LRBA: variants seen among roughly 807,000 people sequenced by gnomAD.
LRBA encodes the protein lipopolysaccharide-responsive and beige-like anchor protein.
In LRBA, 176 loss-of-function variants were observed where a neutral mutation model predicts 330.0. The ratio of observed to expected loss-of-function variants is 0.53; its 90% CI spans 0.47 to 0.60. The LOEUF (loss-of-function observed/expected upper bound fraction) is 0.60, where lower values mean the gene tolerates loss of function less well. LRBA is among the 20% of genes least tolerant of loss of function. LRBA has a pLI of 0.00. For synonymous variants in LRBA, 1,230 were observed against 1,193.0 expected (o/e 1.03, Z -0.64); for missense variants, 3,259 against 3,444.8 (o/e 0.95, Z 1.35).
intron 2 of LRBA, among the ~76,000 whole-genome samples, chr4:150,971,840 G>A (rs1479147825): frequency 3.3e-5 from 5 of 152,110 alleles, no homozygotes; most frequent in Admixed American, 2.0e-4. Flanking sequence ...TGAAGCTTGT[G>A]TTAAAGAAAG....
chr4:150,999,572 T>A (rs1048193174), intron 2 of LRBA, among the ~76,000 whole-genome samples: 1 of 152,004 alleles, frequency 6.6e-6, no homozygotes, highest in Non-Finnish European at 1.5e-5. Context: ...CACTACTGAT[T>A]ATTTTTAAGT....
At chr4:150,677,055 C>T (rs1782620783) in intron 37 of LRBA, among the ~76,000 whole-genome samples, 1 of 151,988 alleles carries the variant, frequency 6.6e-6, no homozygotes, top group Admixed American at 6.6e-5. Flanking sequence ...AAATTTATTA[C>T]TGCTTTGGTT....
At chr4:150,659,110 C>T (rs1026798440) in intron 37 of LRBA, among the ~76,000 whole-genome samples, 7 of 137,008 alleles carry the variant, frequency 5.1e-5, no homozygotes, top group Non-Finnish European at 9.6e-5. Context: ...CCCAAAGTGC[C>T]GAGATTGCAG....
intron 37 of LRBA, among the ~76,000 whole-genome samples, chr4:150,613,224 A>T (rs1006892806): frequency 1.3e-5 from 2 of 152,224 alleles, no homozygotes; most frequent in African/African-American, 4.8e-5. Context: ...GGTGATAGAA[A>T]GTCATTATTC....
chr4:150,908,303 G>C (rs764116883), intron 11 of LRBA, 31 bp downstream of exon 11: 1 of 1,596,094 alleles, frequency 6.3e-7, no homozygotes, highest in East Asian at 2.2e-5. Context: ...AACCCTCACA[G>C]CCAATTAAAG....
intron 41 of LRBA, among the ~76,000 whole-genome samples, chr4:150,489,144 A>AATATATCAGAATATATAATATATT (rs1561249524): frequency 3.6e-5 from 4 of 110,474 alleles, no homozygotes; most frequent in African/African-American, 1.4e-4. Flanking sequence ...TATAATATAT[A>AATATATCAGAATATATAATATATT]ATATATCAGA....
At chr4:150,391,334 T>C (rs765641867) in intron 47 of LRBA, among the ~76,000 whole-genome samples, 1 of 152,204 alleles carries the variant, frequency 6.6e-6, no homozygotes, top group Non-Finnish European at 1.5e-5. Flanking sequence ...GAAGAAACTT[T>C]CCATGTCCAT....
intron 34 of LRBA, among the ~76,000 whole-genome samples, chr4:150,787,193 G>A (rs1016350785): frequency 1.4e-4 from 21 of 151,328 alleles, no homozygotes; most frequent in African/African-American, 3.2e-4. Flanking sequence ...GCACTCCAGC[G>A]TGGGTGACAC....
intron 40 of LRBA, among the ~76,000 whole-genome samples, chr4:150,536,191 T>C (rs1764638020): frequency 6.6e-6 from 1 of 152,072 alleles, no homozygotes; most frequent in African/African-American, 2.4e-5. Context: ...AACAACCAGA[T>C]ACAATGAGGA....
chr4:150,600,109 A>G (rs1773967705), intron 37 of LRBA, among the ~76,000 whole-genome samples: 1 of 152,110 alleles, frequency 6.6e-6, no homozygotes, highest in Non-Finnish European at 1.5e-5. Context: ...AAAATATTTT[A>G]TAAGGAAAAT....
At chr4:150,978,760 T>C (rs1463024852) in intron 2 of LRBA, among the ~76,000 whole-genome samples, 2 of 151,874 alleles carry the variant, frequency 1.3e-5, no homozygotes, top group African/African-American at 4.8e-5. Context: ...TGCATCAGAG[T>C]CTCTTAACAG....
chr4:150,835,910 C>T (rs1400867733), intron 28 of LRBA, among the ~76,000 whole-genome samples: 3 of 152,110 alleles, frequency 2.0e-5, no homozygotes, highest in Non-Finnish European at 4.4e-5. Flanking sequence ...CCAGTTTTGC[C>T]CATTCAGTAT....
intron 42 of LRBA, among the ~76,000 whole-genome samples, chr4:150,478,836 A>T (rs1360270755): frequency 6.6e-6 from 1 of 152,184 alleles, no homozygotes; most frequent in Non-Finnish European, 1.5e-5. Context: ...TCACTACTAC[A>T]ACACTCTAAT....
rs552671384 is a variant in LRBA at position 150,613,461 on chromosome 4, G to A, written c.5922-14330C>T. Among the ~76,000 whole-genome samples, 3 of 152,292 alleles carry A rather than the reference G, an allele frequency of 2.0e-5. No homozygotes were observed. The South Asian group carries it at 6.2e-4, about 32-fold the overall frequency. On this transcript the variant is annotated intron_variant, in intron 37 of 56. Transcript: ENST00000651943. ...GAACAGCATTAGCAAAGCCAAACAAGTAAGAAACAATTGGGTATAAGCTAA... is the reference window on the plus strand; with the variant it reads ...GAACAGCATTAGCAAAGCCAAACAAATAAGAAACAATTGGGTATAAGCTAA...
chr4:150,970,552 TGTGTACACACACACACACAC>T (rs1739443302), intron 2 of LRBA: 1 of 48,658 alleles, frequency 2.1e-5, no homozygotes, highest in South Asian at 6.2e-4. Context: ...TGTGTGTGTG[TGTGTACACACACACACACAC>T]ACACACACAC....
chr4:150,476,681 G>A (rs1756745982), intron 42 of LRBA, among the ~76,000 whole-genome samples: 8 of 152,078 alleles, frequency 5.3e-5, no homozygotes. Flanking sequence ...ATAGAAAAAA[G>A]GAAATGCCTG....
chr4:150,629,580 A>C (rs747194504), intron 37 of LRBA, among the ~76,000 whole-genome samples: 3 of 152,166 alleles, frequency 2.0e-5, no homozygotes, highest in Non-Finnish European at 4.4e-5. Flanking sequence ...CGAAGGTTGC[A>C]GTGAGCCAAG....
chr4:150,760,022 A>G (rs1734859710), intron 35 of LRBA, among the ~76,000 whole-genome samples: 1 of 152,212 alleles, frequency 6.6e-6, no homozygotes, highest in South Asian at 2.1e-4. Context: ...TCTTTAAAAA[A>G]GCCCTGGAAT....
At chr4:150,866,225 C>T (rs62344570) in intron 22 of LRBA, among the ~76,000 whole-genome samples, 47,739 of 151,940 alleles carry the variant, frequency 0.31, 9,118 homozygotes, top group Non-Finnish European at 0.42. Flanking sequence ...AAACATACAC[C>T]GTAAATGAAA....
Sources: allele counts gnomAD v4.1 joint callset (sites outside exome capture counted in the v4.1 genomes callset), GRCh38; gene constraint gnomAD v4.1.1; transcripts MANE v1.5; gene names NCBI Gene and HGNC (gene_info 2026-07-23, HGNC 2026-07-21).